The following FRMD3 variants were observed in gnomAD, a reference collection of about 807,000 sequenced individuals.
FRMD3 encodes FERM domain-containing protein 3.
In FRMD3, 33 loss-of-function variants were observed where a neutral mutation model predicts 70.2. The observed-to-expected ratio is 0.47, with a 90% confidence interval of 0.36 to 0.63. FRMD3 has a LOEUF of 0.63. Among genes scored for constraint, FRMD3 ranks in the 20% least tolerant of loss-of-function variants. FRMD3 has a pLI of 0.00. For synonymous variants in FRMD3, 279 were observed against 255.9 expected (o/e 1.09, Z -0.86); for missense variants, 632 against 711.4 (o/e 0.89, Z 1.27).
chr9:83,567,969 C>CA, the FRMD3 span, among the ~76,000 whole-genome samples: 1 of 152,184 alleles, frequency 6.6e-6, no homozygotes, highest in Admixed American at 6.5e-5. Context: ...AGTAATGCCC[C>CA]ACTCTACTGG....
chr9:83,411,918 A>G (rs1826291065), intron 1 of FRMD3, among the ~76,000 whole-genome samples: 1 of 152,224 alleles, frequency 6.6e-6, no homozygotes, highest in Admixed American at 6.5e-5. Context: ...CAGTCTGCAT[A>G]GAATTGGACT....
intron 13 of FRMD3, chr9:83,267,218 A>C (rs1441552497): frequency 4.5e-6 from 7 of 1,547,340 alleles, no homozygotes; most frequent in Non-Finnish European, 5.2e-6. Flanking sequence ...TTCTGTTTTA[A>C]AGGACCTAGG....
chr9:83,552,375 G>C, the FRMD3 span, among the ~76,000 whole-genome samples: 2 of 152,130 alleles, frequency 1.3e-5, no homozygotes, highest in African/African-American at 4.8e-5. Context: ...ATTTGTTGAG[G>C]ATTGTTTTAT....
chr9:83,429,770 T>C (rs1169680774), intron 1 of FRMD3, among the ~76,000 whole-genome samples: 1 of 152,190 alleles, frequency 6.6e-6, no homozygotes. Flanking sequence ...CCTTATTCTT[T>C]ATCCTGGTCC....
intron 1 of FRMD3, among the ~76,000 whole-genome samples, chr9:83,395,275 TAAAAAA>T (rs11322008): frequency 7.0e-6 from 1 of 142,364 alleles, no homozygotes. Context: ...TCTATAGATT[TAAAAAA>T]AAAAAAAAAA....
chr9:83,357,268 T>C lies in FRMD3; in HGVS notation c.296-7511A>G, dbSNP rs1345606272. ...ATACATATATATATATATATATATA[T>C]ATATATATATATATATATATATATA... On this transcript the variant is annotated intron_variant, in intron 3 of 13. Transcript: ENST00000304195. Among the ~76,000 whole-genome samples, 619 of 67,208 alleles carry C rather than the reference T, an allele frequency of 9.2e-3. 136 individuals carry two copies. Among genetic ancestry groups the C allele is most frequent in the African/African-American group, 0.051 (586 of 11,482 alleles). The allele number at this position is 67,208 out of a possible 152,430, so 44.1% of individuals were successfully genotyped here.
chr9:83,436,144 T>A (rs1827127046), intron 1 of FRMD3, among the ~76,000 whole-genome samples: 1 of 152,120 alleles, frequency 6.6e-6, no homozygotes. Context: ...CCTGTCCTCA[T>A]CCCGGCAATC....
Position 83,467,469 on chromosome 9 carries a change from T to C in FRMD3, c.147+70616A>G, listed in dbSNP as rs764347933. 4.5e-4 allele frequency: 300 copies of C among 664,186 alleles called. 2 individuals carry two copies. Among genetic ancestry groups the C allele is most frequent in the Middle Eastern group, 5.6e-4 (2 of 3,588 alleles). The allele number at this position is 664,186 out of a possible 1,614,324, so 41.1% of individuals were successfully genotyped here. On this transcript the variant is annotated intron_variant, in intron 1 of 13. Transcript: ENST00000304195. The stretch of plus-strand genomic sequence containing the variant: ...CTCCTCTAAGATACTGGTCAGAAGC[T>C]CTACAAAAGAGACCCTCCCGAATTT...
At chr9:83,571,853 A>G in the FRMD3 span, among the ~76,000 whole-genome samples, 2 of 152,222 alleles carry the variant, frequency 1.3e-5, no homozygotes, top group Non-Finnish European at 2.9e-5. Context: ...TTCAAAGAGA[A>G]TGAGAGAAGA....
rs1306238998 is a variant in FRMD3 at position 83,278,309 on chromosome 9, AT to A, written c.1195+12293del. On this transcript the variant is annotated intron_variant, in intron 13 of 13. Coordinates refer to ENST00000304195, the MANE Select transcript of FRMD3 (RefSeq NM_174938.6). ...TCATAGGCCAGAGGAAGGAGCTGAGATTTTAACATAAGTAGATCTGAGCTCC... is the reference window on the plus strand; with the variant it reads ...TCATAGGCCAGAGGAAGGAGCTGAGATTTAACATAAGTAGATCTGAGCTCC... Among the ~76,000 whole-genome samples the A allele has an allele frequency of 3.9e-5, 6 of 152,254 alleles. No individual in the cohort carries two copies. The East Asian group carries it at 5.8e-4, about 15-fold the overall frequency.
At chr9:83,304,959 A>G (rs2131029993) in intron 10 of FRMD3, among the ~76,000 whole-genome samples, 1 of 152,326 alleles carries the variant, frequency 6.6e-6, no homozygotes, top group East Asian at 1.9e-4. Context: ...CAGGGCTTTC[A>G]AAACAGATCT....
In FRMD3 at chr9:83,511,723, C is replaced by A. The variant is rs77650803; in HGVS notation, c.147+26362G>T. ...AGTTAGAATTCAATGCAGGGAAGCA[C>A]GTCTGCCACAACACCTAAATAATTC... is the stretch of plus-strand genomic sequence containing the variant. On this transcript the variant is annotated intron_variant, in intron 1 of 13. Coordinates refer to ENST00000304195, the MANE Select transcript of FRMD3 (RefSeq NM_174938.6). Among the ~76,000 whole-genome samples the A allele has an allele frequency of 1.6e-4, 24 of 152,284 alleles. No individual in the cohort carries two copies. In the East Asian group the frequency reaches 3.9e-3, roughly 24 times the overall value.
chr9:83,351,323 T>TACACAC (rs56407249), intron 3 of FRMD3, among the ~76,000 whole-genome samples: 2,728 of 143,842 alleles, frequency 0.019, 83 homozygotes, highest in East Asian at 0.14. Flanking sequence ...AAACTGATCA[T>TACACAC]ACACACACAC....
intron 1 of FRMD3, among the ~76,000 whole-genome samples, chr9:83,494,758 T>C (rs940294761): frequency 6.6e-6 from 1 of 152,068 alleles, no homozygotes; most frequent in Non-Finnish European, 1.5e-5. Flanking sequence ...AAAAAAAATG[T>C]TTTAACTAGC....
chr9:83,352,192 T>A (rs756225127), intron 3 of FRMD3, among the ~76,000 whole-genome samples: 10 of 152,242 alleles, frequency 6.6e-5, no homozygotes, highest in Non-Finnish European at 1.2e-4. Context: ...GATCGCTATA[T>A]GCTTGTATTT....
chr9:83,349,884 GT>G, intron 3 of FRMD3, 127 bp from the exon 4 acceptor site: 1 of 497,844 alleles, frequency 2.0e-6, no homozygotes, highest in Non-Finnish European at 3.6e-6. Context: ...GGGGGTGATT[GT>G]TTTGGAAGAA....
chr9:83,473,447 A>G (rs906208686), intron 1 of FRMD3, among the ~76,000 whole-genome samples: 1 of 152,092 alleles, frequency 6.6e-6, no homozygotes, highest in African/African-American at 2.4e-5. Flanking sequence ...TTGCTATTTA[A>G]TTGTTTCTAC....
At chr9:83,492,877 GCTCTCCC>G in intron 1 of FRMD3, among the ~76,000 whole-genome samples, 1 of 152,168 alleles carries the variant, frequency 6.6e-6, no homozygotes, top group Non-Finnish European at 1.5e-5. Context: ...CGTCCTCATA[GCTCTCCC>G]CTCTTCACCA....
intron 3 of FRMD3, among the ~76,000 whole-genome samples, chr9:83,365,681 T>C (rs549011244): frequency 2.6e-5 from 4 of 152,130 alleles, no homozygotes; most frequent in Non-Finnish European, 4.4e-5. Context: ...GGGGGCAAGA[T>C]AAAAGGAACC....
Sources: allele counts gnomAD v4.1 joint callset (sites outside exome capture counted in the v4.1 genomes callset), GRCh38; gene constraint gnomAD v4.1.1; transcripts MANE v1.5; gene names NCBI Gene and HGNC (gene_info 2026-07-23, HGNC 2026-07-21).